Variants in CTIF observed in about 807,000 individuals in gnomAD.
The protein encoded by CTIF is CBP80/20-dependent translation initiation factor.
CTIF carries 21 observed loss-of-function variants against 66.0 expected under a neutral mutation model. That is an observed-to-expected ratio of 0.32 (90% CI 0.23 to 0.46). CTIF has a LOEUF of 0.46. Ranked by LOEUF, CTIF falls within the 20% of genes least tolerant of loss-of-function variation. The probability of loss-of-function intolerance (pLI) is 1.00; values close to 1 mark genes in which losing one functional copy is unlikely to be tolerated. For synonymous variants in CTIF, 345 were observed against 326.4 expected, an observed-to-expected ratio of 1.06 and a Z score of -0.62; for missense variants, 739 against 812.7, an observed-to-expected ratio of 0.91 and a Z score of 1.10.
chr18:48,586,168 C>A (rs1005054897), intron 1 of CTIF, among the ~76,000 whole-genome samples: 3 of 152,068 alleles, frequency 2.0e-5, no homozygotes, highest in Non-Finnish European at 4.4e-5. Context: ...AATACTCGTG[C>A]CAAATTGCCC....
chr18:48,560,498 T>A (rs1568032453), intron 1 of CTIF, among the ~76,000 whole-genome samples: 2 of 152,158 alleles, frequency 1.3e-5, no homozygotes, highest in South Asian at 2.1e-4. Flanking sequence ...GTGCTGGGAT[T>A]ACAGGCGTGA....
At chr18:48,550,625 C>A (rs1023939126) in intron 1 of CTIF, among the ~76,000 whole-genome samples, 10 of 152,192 alleles carry the variant, frequency 6.6e-5, no homozygotes, top group African/African-American at 2.4e-4. Flanking sequence ...CCTCCTCCCC[C>A]TCTTCCCACA....
intron 3 of CTIF, among the ~76,000 whole-genome samples, chr18:48,659,191 C>T (rs1005719004): frequency 4.6e-5 from 7 of 152,078 alleles, no homozygotes; most frequent in Admixed American, 4.6e-4. Context: ...ATATGCACTG[C>T]AGTTCTTATA....
At chr18:48,844,060 G>A (rs975138940) in intron 10 of CTIF, among the ~76,000 whole-genome samples, 21 of 152,374 alleles carry the variant, frequency 1.4e-4, no homozygotes, top group African/African-American at 4.1e-4. Context: ...TGAGGATTCC[G>A]AAGGTGCTGT....
chr18:48,645,307 C>T (rs142713737), intron 3 of CTIF, among the ~76,000 whole-genome samples: 64 of 107,008 alleles, frequency 6.0e-4, no homozygotes, highest in African/African-American at 1.8e-3. Flanking sequence ...CAATAAAAAG[C>T]TGCTCTCTAC....
intron 7 of CTIF, chr18:48,756,284 A>G (rs1411849559): frequency 6.6e-6 from 1 of 152,204 alleles, no homozygotes; most frequent in Non-Finnish European, 1.5e-5. Flanking sequence ...CCCATTGGGG[A>G]TAATGAGCTA....
intron 10 of CTIF, among the ~76,000 whole-genome samples, chr18:48,838,657 T>C (rs1051239742): frequency 1.3e-5 from 2 of 152,148 alleles, no homozygotes; most frequent in African/African-American, 2.4e-5. Flanking sequence ...CAGAGTTTAG[T>C]GTAGGAGCCT....
intron 1 of CTIF, among the ~76,000 whole-genome samples, chr18:48,581,890 TG>T (rs1368859680): frequency 6.6e-6 from 1 of 151,934 alleles, no homozygotes; most frequent in Non-Finnish European, 1.5e-5. Flanking sequence ...AAATAAGTGC[TG>T]GGGGCTTTCA....
chr18:48,635,498 T>G (rs149360162), intron 2 of CTIF, among the ~76,000 whole-genome samples: 8 of 152,074 alleles, frequency 5.3e-5, no homozygotes, highest in Non-Finnish European at 1.0e-4. Context: ...TAGTTTTTGC[T>G]TTTGTTTTAG....
At chr18:48,598,402 G>A (rs1210903790) in intron 1 of CTIF, among the ~76,000 whole-genome samples, 4 of 152,200 alleles carry the variant, frequency 2.6e-5, no homozygotes, top group African/African-American at 4.8e-5. Context: ...GCACCTCTCC[G>A]CTCTGAGGCC....
intron 9 of CTIF, among the ~76,000 whole-genome samples, chr18:48,766,102 CCT>C (rs1208675620): frequency 1.2e-4 from 13 of 104,960 alleles, no homozygotes; most frequent in African/African-American, 4.8e-4. Context: ...ATCCCTCCCC[CCT>C]CCCCCCACCC....
chr18:48,765,503 C>T (rs1417953732), intron 9 of CTIF, among the ~76,000 whole-genome samples: 1 of 152,266 alleles, frequency 6.6e-6, no homozygotes, highest in Non-Finnish European at 1.5e-5. Context: ...CCCTGGCTGA[C>T]TTCTCTTGCT....
chr18:48,648,973 G>A (rs1278277492), intron 3 of CTIF, among the ~76,000 whole-genome samples: 1 of 152,120 alleles, frequency 6.6e-6, no homozygotes. Context: ...TACAAAAATT[G>A]CTCATGGACC....
At chr18:48,584,464 T>A (rs924811602) in intron 1 of CTIF, among the ~76,000 whole-genome samples, 1 of 152,164 alleles carries the variant, frequency 6.6e-6, no homozygotes, top group Admixed American at 6.5e-5. Context: ...CAGGAGCTTA[T>A]CAAAACGCTG....
At chr18:48,545,905 G>A (rs892881688) in intron 1 of CTIF, among the ~76,000 whole-genome samples, 2 of 152,194 alleles carry the variant, frequency 1.3e-5, no homozygotes, top group African/African-American at 4.8e-5. Flanking sequence ...GAAGCCAGGC[G>A]GGGATGCTGT....
intron 3 of CTIF, among the ~76,000 whole-genome samples, chr18:48,659,512 C>G (rs1022132449): frequency 6.6e-6 from 1 of 152,182 alleles, no homozygotes; most frequent in Non-Finnish European, 1.5e-5. Flanking sequence ...CCCCAGGGCT[C>G]CCTGGAGCTG....
At chr18:48,602,899 G>T (rs753723523) in intron 1 of CTIF, among the ~76,000 whole-genome samples, 1 of 150,540 alleles carries the variant, frequency 6.6e-6, no homozygotes, top group Non-Finnish European at 1.5e-5. Flanking sequence ...AAGAATGGGT[G>T]GATGGATGGG....
chr18:48,776,349 C>T (rs1020400220), intron 9 of CTIF, among the ~76,000 whole-genome samples: 4 of 148,024 alleles, frequency 2.7e-5, no homozygotes, highest in African/African-American at 5.1e-5. Context: ...GTGCAGTGCT[C>T]GCTGTGGGGG....
chr18:48,577,041 T>C (rs1392241741), intron 1 of CTIF, among the ~76,000 whole-genome samples: 1 of 152,194 alleles, frequency 6.6e-6, no homozygotes, highest in Non-Finnish European at 1.5e-5. Flanking sequence ...GGTGTCAGGG[T>C]GTGATACTGA....
Sources: allele counts gnomAD v4.1 joint callset (sites outside exome capture counted in the v4.1 genomes callset), GRCh38; gene constraint gnomAD v4.1.1; transcripts MANE v1.5; gene names NCBI Gene and HGNC (gene_info 2026-07-23, HGNC 2026-07-21).